Variants in CPLX2 observed in about 807,000 individuals in gnomAD.
The protein encoded by CPLX2 is complexin-2.
A neutral mutation model predicts 16.3 loss-of-function variants in CPLX2; 5 were observed. That is an observed-to-expected ratio of 0.31 (90% confidence interval 0.16 to 0.64). CPLX2 has a LOEUF of 0.64. CPLX2 is among the 30% of genes least tolerant of loss of function. The pLI is 0.79. For missense variants in CPLX2, 144 were observed against 181.4 expected, an observed-to-expected ratio of 0.79 and a Z score of 1.18; for synonymous variants, 89 against 73.2, an observed-to-expected ratio of 1.22 and a Z score of -1.10.
intron 2 of CPLX2, among the ~76,000 whole-genome samples, chr5:175,859,965 C>T (rs919927366): frequency 1.3e-5 from 2 of 152,218 alleles, no homozygotes; most frequent in Non-Finnish European, 2.9e-5. Context: ...TAATTCAGAG[C>T]AACTGAAGTA....
chr5:175,847,998 C>T (rs1035491816), intron 2 of CPLX2, among the ~76,000 whole-genome samples: 1 of 152,278 alleles, frequency 6.6e-6, no homozygotes, highest in African/African-American at 2.4e-5. Context: ...ATTCAACAAA[C>T]AATCTGTGAT....
rs145602010 is a variant in CPLX2 at position 175,845,426 on chromosome 5, G to C, written c.-88-33226G>C. 6.6e-6 allele frequency among the ~76,000 whole-genome samples: 1 copy of C among 152,294 alleles called. No individual in the cohort carries two copies. The highest frequency in any genetic ancestry group is 1.5e-5 in the Non-Finnish European group (1 of 68,040). On this transcript the variant is annotated intron_variant, in intron 2 of 4. Transcript: ENST00000359546. This position sits in a 1 kb window ranked among gnomAD's most constrained non-coding sequence, Gnocchi z 4.0. ...GTCTATTGCTCCAAAGCACCACCAG[G>C]CTCTTTCCTGCCACAGGCCCTTTGC... is the stretch of plus-strand genomic sequence containing the variant.
At chr5:175,855,096 T>A (rs1759228899) in intron 2 of CPLX2, among the ~76,000 whole-genome samples, 1 of 152,210 alleles carries the variant, frequency 6.6e-6, no homozygotes, top group Non-Finnish European at 1.5e-5. Flanking sequence ...GCAAGGCTTC[T>A]TTCCTGAGGA....
chr5:175,821,496 C>T (rs1213554508), intron 2 of CPLX2, among the ~76,000 whole-genome samples: 2 of 152,180 alleles, frequency 1.3e-5, no homozygotes, highest in Non-Finnish European at 2.9e-5. Context: ...CAACCTCTGC[C>T]TCCTGGGTTC....
intron 2 of CPLX2, among the ~76,000 whole-genome samples, chr5:175,838,504 G>C: frequency 6.6e-6 from 1 of 152,118 alleles, no homozygotes; most frequent in Non-Finnish European, 1.5e-5. Context: ...TCCTGACCTC[G>C]TGATCCAACC....
chr5:175,817,376 C>T lies in CPLX2; in HGVS notation c.-89+8308C>T, dbSNP rs1215153270. ...ACACCTACCTCCCTGAACAACTGCG[C>T]ATAGTCTCTGACATCACGTGTCTAA... is the stretch of plus-strand genomic sequence containing the variant. On this transcript the variant is annotated intron_variant, in intron 2 of 4. Coordinates refer to the CPLX2 transcript ENST00000359546. 2.6e-5 allele frequency among the ~76,000 whole-genome samples: 4 copies of T among 152,226 alleles called. No individual in the cohort carries two copies. In the East Asian group the frequency reaches 7.7e-4, roughly 29 times the overall value.
intron 2 of CPLX2, among the ~76,000 whole-genome samples, chr5:175,852,069 C>T (rs1402987331): frequency 6.6e-6 from 1 of 152,208 alleles, no homozygotes; most frequent in African/African-American, 2.4e-5. Flanking sequence ...CCCTCAATGA[C>T]AGAAACCTCA....
intron 2 of CPLX2, among the ~76,000 whole-genome samples, chr5:175,823,680 G>T (rs1482475665): frequency 1.3e-5 from 2 of 152,174 alleles, no homozygotes; most frequent in Non-Finnish European, 2.9e-5. Context: ...AAAGTGGGGG[G>T]AGCCAAAATC....
chr5:175,841,910 A>G (rs763104625), intron 2 of CPLX2, among the ~76,000 whole-genome samples: 3 of 152,222 alleles, frequency 2.0e-5, no homozygotes, highest in Non-Finnish European at 2.9e-5. Context: ...TAAACATCCA[A>G]TAAGAACTGA....
chr5:175,807,880 G>C (rs1389887395), intron 1 of CPLX2, among the ~76,000 whole-genome samples: 17 of 152,172 alleles, frequency 1.1e-4, no homozygotes, highest in Admixed American at 1.1e-3. Flanking sequence ...GATCCCTGTG[G>C]GAATCCCTGA....
At chr5:175,848,173 T>C (rs1387126977) in intron 2 of CPLX2, among the ~76,000 whole-genome samples, 1 of 151,762 alleles carries the variant, frequency 6.6e-6, no homozygotes, top group Non-Finnish European at 1.5e-5. Context: ...TATAAGGAGA[T>C]CTGAGGGGGG....
intron 2 of CPLX2, among the ~76,000 whole-genome samples, chr5:175,827,749 C>T (rs1581079342): frequency 6.6e-6 from 1 of 152,142 alleles, no homozygotes; most frequent in Admixed American, 6.5e-5. Context: ...GACAGTGAGA[C>T]TCCGTCTCAA....
At chr5:175,805,833 G>T (rs1019935059) in intron 1 of CPLX2, among the ~76,000 whole-genome samples, 10 of 152,154 alleles carry the variant, frequency 6.6e-5, no homozygotes, top group Non-Finnish European at 1.2e-4. Context: ...CACAGCATGG[G>T]TCAGCTGATG....
chr5:175,877,679 T>A (rs12522368), intron 1 of CPLX2, among the ~76,000 whole-genome samples: 86,475 of 152,022 alleles, frequency 0.57, 25,334 homozygotes, highest in East Asian at 0.76. Context: ...GCACTAGGGT[T>A]CAGCTTCTCA....
At chr5:175,847,485 G>A (rs1320730465) in intron 2 of CPLX2, among the ~76,000 whole-genome samples, 2 of 152,274 alleles carry the variant, frequency 1.3e-5, no homozygotes, top group African/African-American at 2.4e-5. Context: ...GGCCCACTCA[G>A]AGCCGCCGCT....
chr5:175,797,067 G>A (rs1000235251), intron 1 of CPLX2, among the ~76,000 whole-genome samples: 15 of 152,162 alleles, frequency 9.9e-5, no homozygotes, highest in Non-Finnish European at 1.9e-4. Context: ...GCGGCCGGGC[G>A]GGCTCCTCCG....
At chr5:175,877,949 C>G (rs948287146) in intron 1 of CPLX2, among the ~76,000 whole-genome samples, 4 of 152,288 alleles carry the variant, frequency 2.6e-5, no homozygotes, top group African/African-American at 9.6e-5. Context: ...AAGCCCTAAG[C>G]CCCCAGAAGA....
rs1377221462 is a variant in CPLX2 at position 175,815,169 on chromosome 5, C to T, written c.-89+6101C>T. 2.6e-5 allele frequency among the ~76,000 whole-genome samples: 4 copies of T among 152,326 alleles called. No individual in the cohort carries two copies. In the East Asian group the frequency reaches 7.7e-4, roughly 29 times the overall value. ...CCTGAATGGACAAACGTCACCATCC[C>T]AGTCTGGGAGCAGTGGTCTGCTGTA... On this transcript the variant is annotated intron_variant, in intron 2 of 4. Coordinates refer to the CPLX2 transcript ENST00000359546.
intron 2 of CPLX2, among the ~76,000 whole-genome samples, chr5:175,820,672 C>T (rs1758489620): frequency 6.6e-6 from 1 of 152,196 alleles, no homozygotes; most frequent in Non-Finnish European, 1.5e-5. Flanking sequence ...CTACCACACA[C>T]AGCCCGTGTG....
Sources: allele counts gnomAD v4.1 joint callset (sites outside exome capture counted in the v4.1 genomes callset), GRCh38; gene constraint gnomAD v4.1.1; non-coding constraint Gnocchi (gnomAD v3.1); transcripts MANE v1.5; gene names NCBI Gene and HGNC (gene_info 2026-07-23, HGNC 2026-07-21).